Variants in MTIF2 observed in about 807,000 individuals in gnomAD.
MTIF2 encodes the protein translation initiation factor IF-2, mitochondrial.
A neutral mutation model predicts 83.5 loss-of-function variants in MTIF2; 71 were observed. That is an observed-to-expected ratio of 0.85 (90% CI 0.70 to 1.04). The LOEUF (loss-of-function observed/expected upper bound fraction) is 1.04, where lower values mean the gene tolerates loss of function less well. Among genes scored for constraint, MTIF2 ranks in the 50% least tolerant of loss-of-function variants. The probability of loss-of-function intolerance (pLI) is 0.00; values close to 1 mark genes in which losing one functional copy is unlikely to be tolerated. For missense variants in MTIF2, 957 were observed against 846.5 expected, an observed-to-expected ratio of 1.13 and a Z score of -1.62; for synonymous variants, 319 against 287.1, an observed-to-expected ratio of 1.11 and a Z score of -1.12.
intron 10 of MTIF2, among the ~76,000 whole-genome samples, chr2:55,245,325 C>T (rs879851103): frequency 7.2e-5 from 11 of 152,046 alleles, no homozygotes; most frequent in Admixed American, 1.3e-4. Flanking sequence ...AGTTTGAGAC[C>T]GGCCTGGTCA....
At chr2:55,259,006 ATT>A (rs1677758561) in intron 5 of MTIF2, among the ~76,000 whole-genome samples, 1 of 152,032 alleles carries the variant, frequency 6.6e-6, no homozygotes, top group South Asian at 2.1e-4. Flanking sequence ...GCACAATTCT[ATT>A]TCTAATAATG....
At chr2:55,248,072 T>A (rs1278924283) in intron 9 of MTIF2, among the ~76,000 whole-genome samples, 3 of 152,098 alleles carry the variant, frequency 2.0e-5, no homozygotes, top group Admixed American at 2.0e-4. Flanking sequence ...TGTGTTTTTA[T>A]AGAGACAAGG....
At chr2:55,268,024 G>C (rs886869899) in intron 2 of MTIF2, among the ~76,000 whole-genome samples, 1 of 152,086 alleles carries the variant, frequency 6.6e-6, no homozygotes, top group African/African-American at 2.4e-5. Flanking sequence ...AGGTCGAGGC[G>C]GGCGGATCAC....
At chr2:55,267,679 T>G (rs1678539055) in intron 2 of MTIF2, 44 bp from the exon 3 acceptor site, 1 of 157,564 alleles carries the variant, frequency 6.3e-6, no homozygotes, top group Non-Finnish European at 1.5e-5. Flanking sequence ...ATATCTGTCC[T>G]TCCTATTACA....
At chr2:55,251,129 A>G (rs1029560973) in intron 8 of MTIF2, among the ~76,000 whole-genome samples, 10 of 151,740 alleles carry the variant, frequency 6.6e-5, no homozygotes, top group South Asian at 4.1e-4. Context: ...AAAAAAAAAA[A>G]AAAGAAAAGG....
intron 13 of MTIF2, among the ~76,000 whole-genome samples, chr2:55,242,158 A>AG (rs1192392639): frequency 8.4e-6 from 1 of 119,150 alleles, no homozygotes; most frequent in Admixed American, 9.5e-5. Flanking sequence ...AAAAAAAAAG[A>AG]AAAAAAAAAG....
chr2:55,252,599 G>T lies in MTIF2; in HGVS notation c.719C>A (p.Ala240Asp). 2 of 1,614,124 alleles carry T rather than the reference G, an allele frequency of 1.2e-6. No homozygotes were observed. Among genetic ancestry groups the T allele is most frequent in the Non-Finnish European group, 1.7e-6 (2 of 1,179,982 alleles). The change falls in exon 8 of 16, where the codon GCT (alanine) becomes GAT (aspartate). Residue 240 changes from alanine to aspartate, a missense_variant. By Grantham distance (126) the Ala-to-Asp change is moderately radical (BLOSUM62 -2). Transcript: ENST00000263629. ...ITFLDTPGHA[A>D]FSAMRARGAQ... Reference sequence around the variant, plus strand: ...ACCTCTGGCTCTCATTGCTGAGAAAGCAGCATGTCCTGGAGTATCAAGAAA... The same window carrying T: ...ACCTCTGGCTCTCATTGCTGAGAAATCAGCATGTCCTGGAGTATCAAGAAA...
chr2:55,259,495 G>T (rs1273930157), intron 5 of MTIF2, among the ~76,000 whole-genome samples: 2 of 62,144 alleles, frequency 3.2e-5, no homozygotes, highest in East Asian at 4.4e-4. Context: ...AGGGGTAGGG[G>T]GTAATGTTTA....
At chr2:55,267,123 A>T (rs906512414) in intron 3 of MTIF2, among the ~76,000 whole-genome samples, 1 of 151,354 alleles carries the variant, frequency 6.6e-6, no homozygotes, top group Non-Finnish European at 1.5e-5. Flanking sequence ...GTTCTGACAT[A>T]GTAAATGTAT....
intron 5 of MTIF2, among the ~76,000 whole-genome samples, chr2:55,258,672 C>T (rs925798819): frequency 3.3e-5 from 5 of 151,990 alleles, no homozygotes; most frequent in South Asian, 2.1e-4. Context: ...ATTAGCCAGG[C>T]GTGGTGGCAC....
chr2:55,237,090 C>T (rs1222248510), intron 15 of MTIF2, among the ~76,000 whole-genome samples, 198 bp downstream of exon 15: 1 of 152,126 alleles, frequency 6.6e-6, no homozygotes, highest in Admixed American at 6.6e-5. Context: ...GTACTCAGGA[C>T]TTGAATGGGT....
chr2:55,252,161 T>C (rs1456809628), intron 8 of MTIF2, among the ~76,000 whole-genome samples: 1 of 152,268 alleles, frequency 6.6e-6, no homozygotes, highest in South Asian at 2.1e-4. Context: ...ATGTGATGGA[T>C]AGATCGAATT....
chr2:55,266,763 C>CTTTTTTT (rs1216777992), intron 3 of MTIF2, among the ~76,000 whole-genome samples: 3 of 86,306 alleles, frequency 3.5e-5, no homozygotes, highest in African/African-American at 4.7e-5. Flanking sequence ...ACATTTCATT[C>CTTTTTTT]TTTTTTTTTT....
rs1195366925 is a variant in MTIF2, at chr2:55,237,060, T to G, written c.2011+228A>C. Among the ~76,000 whole-genome samples, 3 of 152,102 alleles carry G rather than the reference T, an allele frequency of 2.0e-5. No individual in the cohort carries two copies. The South Asian group carries it at 6.2e-4, about 32-fold the overall frequency. ...TCCTATTTCAAAGGTAGACATAAACTTTTTGCTGAGGACAGGATGGTACTC... is the reference window on the plus strand; with the variant it reads ...TCCTATTTCAAAGGTAGACATAAACGTTTTGCTGAGGACAGGATGGTACTC... On this transcript the variant is annotated intron_variant, in intron 15 of 15. Transcript: ENST00000263629.
intron 1 of MTIF2, 127 bp downstream of exon 1, chr2:55,269,042 A>ATCACGC (rs1173495969): frequency 6.6e-6 from 1 of 152,202 alleles, no homozygotes; most frequent in Non-Finnish European, 1.5e-5. Context: ...GCATCTTGGA[A>ATCACGC]AGGCTTCCGA....
intron 3 of MTIF2, among the ~76,000 whole-genome samples, chr2:55,265,104 A>G (rs529558730): frequency 6.6e-6 from 1 of 151,986 alleles, no homozygotes; most frequent in African/African-American, 2.4e-5. Flanking sequence ...TCAGCCGGAC[A>G]TGGTGGCGGG....
In MTIF2 at chr2:55,264,633, C is replaced by T. The variant is rs1678292773; in HGVS notation, c.-7-768G>A. On this transcript the variant is annotated intron_variant, in intron 3 of 15. Transcript: ENST00000263629. The stretch of plus-strand genomic sequence containing the variant: ...TCTCTAATGGTTTCTCATCTCAGCT[C>T]TGAAACTTTGCACACACTTCCTCTA... Among the ~76,000 whole-genome samples the T allele has an allele frequency of 2.6e-5, 4 of 152,158 alleles. No homozygotes were observed. In the South Asian group the frequency reaches 8.3e-4, roughly 32 times the overall value.
At chr2:55,260,094 CA>C (rs2104443569) in intron 5 of MTIF2, among the ~76,000 whole-genome samples, 1 of 152,166 alleles carries the variant, frequency 6.6e-6, no homozygotes, top group African/African-American at 2.4e-5. Context: ...AATCCATCTG[CA>C]AAATTATTAA....
intron 10 of MTIF2, 140 bp from the exon 11 acceptor site, chr2:55,244,373 A>G (rs1386976803): frequency 2.9e-6 from 2 of 693,894 alleles, no homozygotes. Context: ...GCAGTTTTTC[A>G]TACTATAAAA....
Sources: allele counts gnomAD v4.1 joint callset (sites outside exome capture counted in the v4.1 genomes callset), GRCh38; gene constraint gnomAD v4.1.1; transcripts MANE v1.5; gene names NCBI Gene and HGNC (gene_info 2026-07-23, HGNC 2026-07-21).